ANO6: variants seen among roughly 807,000 people sequenced by gnomAD.
The protein encoded by ANO6 is anoctamin-6.
In ANO6, 106 loss-of-function variants were observed where a neutral mutation model predicts 117.5. The observed-to-expected ratio is 0.90, with a 90% CI of 0.77 to 1.06. The LOEUF is 1.06. Ranked by LOEUF, ANO6 falls within the 50% of genes least tolerant of loss-of-function variation. ANO6 has a pLI of 0.00. For missense variants in ANO6, 955 were observed against 1,121.1 expected (o/e 0.85, Z 2.12); for synonymous variants, 367 against 385.1 (o/e 0.95, Z 0.55).
intron 1 of ANO6, among the ~76,000 whole-genome samples, chr12:45,294,351 T>C (rs1268526827): frequency 6.6e-6 from 1 of 152,176 alleles, no homozygotes; most frequent in Non-Finnish European, 1.5e-5. Context: ...ACCCTGGCCA[T>C]GAGTAAAAAA....
intron 15 of ANO6, among the ~76,000 whole-genome samples, chr12:45,407,833 AT>A (rs1441154929): frequency 6.6e-6 from 1 of 151,986 alleles, no homozygotes; most frequent in Admixed American, 6.5e-5. Context: ...ACCCCGTTTT[AT>A]TTTTTTACCA....
chr12:45,358,931 G>A (rs556579463), intron 8 of ANO6, among the ~76,000 whole-genome samples: 81 of 152,030 alleles, frequency 5.3e-4, no homozygotes, highest in Non-Finnish European at 9.0e-4. Context: ...ATTACAGGCT[G>A]CGCCACCACA....
chr12:45,373,911 A>G (rs562343441), intron 9 of ANO6, among the ~76,000 whole-genome samples: 54 of 152,354 alleles, frequency 3.5e-4, no homozygotes, highest in African/African-American at 1.0e-3. Context: ...CAAAAAATTA[A>G]TGAATCCAGG....
intron 1 of ANO6, among the ~76,000 whole-genome samples, chr12:45,258,111 T>C (rs1440165841): frequency 1.3e-5 from 2 of 152,194 alleles, no homozygotes; most frequent in Admixed American, 1.3e-4. Flanking sequence ...TAAATACATA[T>C]TAATCAGTCG....
intron 1 of ANO6, among the ~76,000 whole-genome samples, chr12:45,250,236 A>T (rs2137185573): frequency 6.6e-6 from 1 of 152,360 alleles, no homozygotes; most frequent in Non-Finnish European, 1.5e-5. Flanking sequence ...GACATTTCAG[A>T]CAGGTTTTTG....
chr12:45,367,708 A>G lies in ANO6; in HGVS notation c.1019A>G (p.Asp340Gly). 6.2e-7 allele frequency: 1 copy of G among 1,613,160 alleles called. No individual in the cohort carries two copies. Among genetic ancestry groups the G allele is most frequent in the Non-Finnish European group, 8.5e-7 (1 of 1,179,696 alleles). The change falls in exon 9 of 20, where the codon GAT (aspartate) becomes GGT (glycine). Residue 340 changes from aspartate (D) to glycine (G), a missense_variant. Coordinates refer to ENST00000320560, the MANE Select transcript of ANO6 (RefSeq NM_001025356.3). ...CTWSKEVCHP[D>G]IGGKIIMCPQ... ...TTTAGCAAAGAAGTTTGTCATCCTG[A>G]TATTGGTGGCAAGATCATAATGTGT...
chr12:45,231,842 C>G (rs1555157856), intron 1 of ANO6, among the ~76,000 whole-genome samples: 1 of 152,128 alleles, frequency 6.6e-6, no homozygotes, highest in Non-Finnish European at 1.5e-5. Context: ...CAGCAAAAGG[C>G]TTTTGAGCCA....
intron 17 of ANO6, among the ~76,000 whole-genome samples, chr12:45,419,266 C>T (rs995561302): frequency 6.6e-6 from 1 of 152,194 alleles, no homozygotes; most frequent in African/African-American, 2.4e-5. Context: ...CTCAGAGCAG[C>T]TCAATTCAGG....
chr12:45,252,881 A>G (rs1937673719), intron 1 of ANO6, among the ~76,000 whole-genome samples: 2 of 152,122 alleles, frequency 1.3e-5, no homozygotes, highest in African/African-American at 4.8e-5. Flanking sequence ...ATAATCTTAT[A>G]TTAATCTCTT....
chr12:45,327,787 A>G (rs912518317), intron 2 of ANO6, among the ~76,000 whole-genome samples: 2 of 152,080 alleles, frequency 1.3e-5, no homozygotes, highest in African/African-American at 2.4e-5. Flanking sequence ...TTTTTTCTGT[A>G]TACATTTTTG....
intron 8 of ANO6, among the ~76,000 whole-genome samples, chr12:45,367,077 G>C (rs1244597675): frequency 1.3e-5 from 2 of 152,184 alleles, no homozygotes; most frequent in Non-Finnish European, 2.9e-5. Flanking sequence ...CACCTCCCGG[G>C]TTCAAGCAAT....
At chr12:45,347,141 C>T (rs1178680867) in intron 4 of ANO6, 54 bp downstream of exon 4, 27 of 1,558,562 alleles carry the variant, frequency 1.7e-5, no homozygotes, top group South Asian at 2.2e-5. Context: ...CGGGCAGCTT[C>T]GTGCCACTTG....
intron 12 of ANO6, among the ~76,000 whole-genome samples, chr12:45,392,715 G>C (rs1942488283): frequency 6.6e-6 from 1 of 152,144 alleles, no homozygotes; most frequent in South Asian, 2.1e-4. Flanking sequence ...AGGCAAACAG[G>C]GTCTGGAGTG....
Position 45,430,349 on chromosome 12 carries a change from G to GAAAC in ANO6, c.*1040_*1043dup. The GAAAC allele has an allele frequency of 1.0e-6, 1 of 985,484 alleles. No individual in the cohort carries two copies. Among genetic ancestry groups the GAAAC allele is most frequent in the African/African-American group, 1.7e-5 (1 of 57,372 alleles). 61.0% of individuals were successfully genotyped at this position (985,484 alleles called of 1,614,324 possible). A position where few individuals can be genotyped will look rare whatever the true frequency, so the allele number is the denominator to read the frequency against. Reference sequence around the variant, plus strand: ...TGGGGTACAACTGTGTGCATGGGCAGAAACAGCAAGTGCCCTCATTGTGGT... The same window carrying GAAAC: ...TGGGGTACAACTGTGTGCATGGGCAGAAACAAACAGCAAGTGCCCTCATTGTGGT... On this transcript the variant is annotated 3_prime_UTR_variant, in exon 20 of 20. Coordinates refer to ENST00000320560, the MANE Select transcript of ANO6 (RefSeq NM_001025356.3).
At chr12:45,404,507 G>A (rs1268136682) in intron 15 of ANO6, among the ~76,000 whole-genome samples, 3 of 152,018 alleles carry the variant, frequency 2.0e-5, no homozygotes, top group Admixed American at 6.6e-5. Context: ...GTGTTAGTGG[G>A]GCTGTGTTCA....
chr12:45,374,908 C>A (rs1378238456), intron 9 of ANO6, among the ~76,000 whole-genome samples: 1 of 151,996 alleles, frequency 6.6e-6, no homozygotes, highest in Non-Finnish European at 1.5e-5. Context: ...AAGAGGAAGT[C>A]AAATTGTCCC....
chr12:45,262,080 T>C (rs1286131651), intron 1 of ANO6, among the ~76,000 whole-genome samples: 1 of 152,194 alleles, frequency 6.6e-6, no homozygotes, highest in Non-Finnish European at 1.5e-5. Context: ...ATTATACATA[T>C]TATATGTGAG....
At chr12:45,362,189 A>G (rs565721564) in intron 8 of ANO6, among the ~76,000 whole-genome samples, 1 of 151,952 alleles carries the variant, frequency 6.6e-6, no homozygotes, top group Admixed American at 6.5e-5. Flanking sequence ...GGTCTATTCA[A>G]GTTTTCTATT....
chr12:45,382,720 A>G (rs749996113), intron 10 of ANO6, among the ~76,000 whole-genome samples: 1 of 152,250 alleles, frequency 6.6e-6, no homozygotes, highest in African/African-American at 2.4e-5. Context: ...AGTTATGGTT[A>G]TACTATACTA....
Sources: gnomAD v4.1 joint callset for allele counts (sites outside exome capture counted in the v4.1 genomes callset) on GRCh38, gnomAD v4.1.1 for gene constraint, MANE v1.5 for transcripts, NCBI Gene and HGNC (gene_info 2026-07-23, HGNC 2026-07-21) for gene names.